The following ADGRL2 variants were observed in gnomAD, a reference collection of about 807,000 sequenced individuals.
ADGRL2 encodes adhesion G protein-coupled receptor L2, also known as calcium-independent alpha-latrotoxin receptor 2.
Under a neutral mutation model 157.4 loss-of-function variants are expected in ADGRL2, and 44 were observed. The ratio of observed to expected loss-of-function variants is 0.28; its 90% confidence interval spans 0.22 to 0.36. The LOEUF is 0.36. Among genes scored for constraint, ADGRL2 ranks in the 10% least tolerant of loss-of-function variants. ADGRL2 has a pLI of 1.00. For missense variants in ADGRL2, 1,510 were observed against 1,768.9 expected (o/e 0.85, Z 2.63); for synonymous variants, 585 against 624.7 (o/e 0.94, Z 0.95).
At chr1:81,632,525 G>A (rs1286922016) in intron 3 of ADGRL2, among the ~76,000 whole-genome samples, 2 of 152,108 alleles carry the variant, frequency 1.3e-5, no homozygotes, top group East Asian at 1.9e-4. Context: ...TTGGGAGGCC[G>A]AGGCGGGCAG....
intron 1 of ADGRL2, among the ~76,000 whole-genome samples, chr1:81,822,249 G>GA (rs1309122332): frequency 2.6e-5 from 4 of 151,626 alleles, no homozygotes; most frequent in African/African-American, 7.2e-5. Context: ...CCCGCTATCA[G>GA]AAAAAAATCA....
Position 81,970,399 on chromosome 1 carries a change from A to C in ADGRL2, c.2819A>C (p.Tyr940Ser). The stretch of plus-strand genomic sequence containing the variant: ...ATGTGCCTAGAAGGTGTGCAGCTCT[A>C]CCTAATGTTAGTTGAAGTTTTTGAA... ...AWMCLEGVQL[Y>S]LMLVEVFESE... is the part of the protein sequence containing the mutation. Residue 940 changes from tyrosine (Y) to serine (S), a missense_variant, in exon 16 of 24, where the codon TAC becomes TCC. Coordinates refer to ENST00000686636, the MANE Select transcript of ADGRL2 (RefSeq NM_001366006.2). 6.4e-7 allele frequency: 1 copy of C among 1,573,414 alleles called. No individual in the cohort carries two copies. Among genetic ancestry groups the C allele is most frequent in the Non-Finnish European group, 8.6e-7 (1 of 1,165,588 alleles).
chr1:81,510,474 C>T (rs185772135), intron 2 of ADGRL2, among the ~76,000 whole-genome samples: 32 of 151,778 alleles, frequency 2.1e-4, no homozygotes, highest in East Asian at 5.8e-4. Flanking sequence ...CTCTTTAGCA[C>T]GTGAAATATA....
intron 1 of ADGRL2, among the ~76,000 whole-genome samples, chr1:81,810,713 T>C (rs1407585501): frequency 6.6e-6 from 1 of 151,896 alleles, no homozygotes; most frequent in African/African-American, 2.4e-5. Context: ...GAAGGCTTAA[T>C]GTATTAAATG....
chr1:81,771,912 T>A lies in ADGRL2; in HGVS notation c.-101+10060T>A, dbSNP rs186508092. On this transcript the variant is annotated intron_variant, in intron 2 of 20. Transcript: ENST00000359929. ...TTCATCCTTTTTTTGCCCTTTTGCT[T>A]TTTTATTCTCAATCTCTTTTGCATG... 7.3e-3 allele frequency among the ~76,000 whole-genome samples: 1,116 copies of A among 152,334 alleles called. 3 individuals are homozygous for A. Among genetic ancestry groups the A allele is most frequent in the Non-Finnish European group, 0.011 (768 of 68,028 alleles).
rs139256116 is a variant in ADGRL2, at chr1:81,872,730, A to G, written c.74-34287A>G. Among the ~76,000 whole-genome samples, 519 of 152,196 alleles carry G rather than the reference A, an allele frequency of 3.4e-3. 8 individuals carry two copies. The highest frequency in any genetic ancestry group is 0.033 in the South Asian group (160 of 4,824). ...TCTAAAAAGTCATTGCCAAGAGAGG[A>G]CACTTAGCTATACATATCTACATGG... On this transcript the variant is annotated intron_variant, in intron 2 of 23. Coordinates refer to ENST00000686636, the MANE Select transcript of ADGRL2 (RefSeq NM_001366006.2).
intron 1 of ADGRL2, among the ~76,000 whole-genome samples, chr1:81,700,269 CT>C (rs753377948): frequency 1.3e-5 from 2 of 152,148 alleles, no homozygotes; most frequent in Non-Finnish European, 2.9e-5. Context: ...AAGGAGATGG[CT>C]TTATTGTGGA....
chr1:81,849,488 T>A (rs974731653), intron 2 of ADGRL2, among the ~76,000 whole-genome samples: 1 of 151,914 alleles, frequency 6.6e-6, no homozygotes, highest in Non-Finnish European at 1.5e-5. Flanking sequence ...CTGCAGGGAT[T>A]TGTAGCTAAG....
At chr1:81,497,084 G>A (rs548673495) in intron 2 of ADGRL2, among the ~76,000 whole-genome samples, 1 of 152,184 alleles carries the variant, frequency 6.6e-6, no homozygotes, top group African/African-American at 2.4e-5. Flanking sequence ...GAACAAAAGG[G>A]CCAGGAATGA....
At chr1:81,651,840 C>T (rs1164066306) in intron 3 of ADGRL2, among the ~76,000 whole-genome samples, 1 of 152,078 alleles carries the variant, frequency 6.6e-6, no homozygotes, top group Non-Finnish European at 1.5e-5. Flanking sequence ...TTCAAGCAAT[C>T]CTTTTGCATA....
chr1:81,616,908 G>T (rs1356768745), intron 3 of ADGRL2, among the ~76,000 whole-genome samples: 1 of 152,096 alleles, frequency 6.6e-6, no homozygotes, highest in Admixed American at 6.5e-5. Flanking sequence ...AAAAGCCAGG[G>T]CTCAAGCAAT....
intron 2 of ADGRL2, among the ~76,000 whole-genome samples, chr1:81,481,893 C>T (rs2078396413): frequency 6.6e-6 from 1 of 152,184 alleles, no homozygotes; most frequent in African/African-American, 2.4e-5. Flanking sequence ...AGATCCACTT[C>T]TCATTTTTTC....
intron 1 of ADGRL2, among the ~76,000 whole-genome samples, chr1:81,727,579 C>T (rs147718750): frequency 0.08 from 12,089 of 151,912 alleles, 538 homozygotes; most frequent in Non-Finnish European, 0.097. Context: ...ATTACAGGCA[C>T]GCGCCACCAT....
At chr1:81,619,731 A>ATGTGTGAGTGTG (rs966804487) in intron 3 of ADGRL2, among the ~76,000 whole-genome samples, 1 of 149,446 alleles carries the variant, frequency 6.7e-6, no homozygotes, top group Non-Finnish European at 1.5e-5. Flanking sequence ...GGGTGTGTGT[A>ATGTGTGAGTGTG]TGTGTGTGTG....
intron 2 of ADGRL2, among the ~76,000 whole-genome samples, chr1:81,453,521 A>G (rs2077741472): frequency 6.6e-6 from 1 of 152,172 alleles, no homozygotes; most frequent in Admixed American, 6.6e-5. Flanking sequence ...GAGAGAGAAG[A>G]AAAGAGAAAC....
chr1:81,329,408 G>C (rs1174430940), intron 1 of ADGRL2, among the ~76,000 whole-genome samples: 3 of 152,034 alleles, frequency 2.0e-5, no homozygotes, highest in African/African-American at 7.2e-5. Flanking sequence ...ATATAGGAAA[G>C]CTGCTACACA....
intron 1 of ADGRL2, among the ~76,000 whole-genome samples, chr1:81,356,113 C>T (rs1663268442): frequency 6.6e-6 from 1 of 152,032 alleles, no homozygotes; most frequent in Non-Finnish European, 1.5e-5. Flanking sequence ...CCTGAGATGG[C>T]CTGGAGGACA....
chr1:81,590,893 C>A (rs940293795), intron 3 of ADGRL2, among the ~76,000 whole-genome samples: 1 of 152,056 alleles, frequency 6.6e-6, no homozygotes, highest in Non-Finnish European at 1.5e-5. Context: ...AACAGAACAA[C>A]CCCATATGAG....
At chr1:81,604,711 G>A (rs1311804094) in intron 3 of ADGRL2, among the ~76,000 whole-genome samples, 1 of 152,054 alleles carries the variant, frequency 6.6e-6, no homozygotes, top group Non-Finnish European at 1.5e-5. Flanking sequence ...GTCAAATCTT[G>A]TCTTGCAGTG....
Sources: allele counts gnomAD v4.1 joint callset (sites outside exome capture counted in the v4.1 genomes callset), GRCh38; gene constraint gnomAD v4.1.1; transcripts MANE v1.5; gene names NCBI Gene and HGNC (gene_info 2026-07-23, HGNC 2026-07-21).